SAMMSON: variants seen among roughly 807,000 people sequenced by gnomAD.
SAMMSON encodes the protein survival associated mitochondrial melanoma specific oncogenic non-coding RNA, also known as long intergenic non-protein coding RNA 1212.
intron 3 of SAMMSON, among the ~76,000 whole-genome samples, chr3:70,029,782 T>C (rs542774368): frequency 2.2e-3 from 341 of 151,888 alleles, no homozygotes; most frequent in African/African-American, 8.0e-3. Context: ...CCTTAATTTG[T>C]TGGTGAAAAT....
chr3:70,159,855 C>A (rs896822557), intron 4 of SAMMSON, among the ~76,000 whole-genome samples: 1 of 151,998 alleles, frequency 6.6e-6, no homozygotes. Flanking sequence ...CGTGCCTGGC[C>A]CTGACTTTTT....
At chr3:70,130,754 C>T (rs2067479510) in intron 4 of SAMMSON, among the ~76,000 whole-genome samples, 1 of 152,106 alleles carries the variant, frequency 6.6e-6, no homozygotes, top group South Asian at 2.1e-4. Flanking sequence ...CAATAGCTAA[C>T]AAAACCATGT....
At chr3:70,030,057 T>C (rs1455766446) in intron 3 of SAMMSON, among the ~76,000 whole-genome samples, 4 of 152,220 alleles carry the variant, frequency 2.6e-5, no homozygotes, top group Non-Finnish European at 5.9e-5. Context: ...AATATTTGTC[T>C]TGTATGAGTG....
intron 7 of SAMMSON, among the ~76,000 whole-genome samples, chr3:70,336,029 T>G (rs1168809456): frequency 6.6e-6 from 1 of 151,948 alleles, no homozygotes; most frequent in Non-Finnish European, 1.5e-5. Flanking sequence ...TGAAAGTTCA[T>G]CCTAAAAAAG....
At chr3:70,147,690 A>G (rs978133081) in intron 4 of SAMMSON, among the ~76,000 whole-genome samples, 1 of 152,082 alleles carries the variant, frequency 6.6e-6, no homozygotes, top group African/African-American at 2.4e-5. Context: ...AAAATTATAA[A>G]TCTTTTAGAA....
intron 7 of SAMMSON, among the ~76,000 whole-genome samples, chr3:70,304,743 A>G (rs774664580): frequency 1.3e-5 from 2 of 152,132 alleles, no homozygotes; most frequent in African/African-American, 4.8e-5. Flanking sequence ...TCTTTACCTC[A>G]TGCAATATAA....
intron 4 of SAMMSON, among the ~76,000 whole-genome samples, chr3:70,116,375 T>C (rs2067411437): frequency 6.6e-6 from 1 of 151,400 alleles, no homozygotes; most frequent in Non-Finnish European, 1.5e-5. Flanking sequence ...AAAATATTTT[T>C]CTGGGATTCT....
intron 2 of SAMMSON, among the ~76,000 whole-genome samples, chr3:70,426,128 G>A (rs1458934416): frequency 6.6e-6 from 1 of 152,160 alleles, no homozygotes; most frequent in African/African-American, 2.4e-5. Flanking sequence ...GTAATATTGA[G>A]TTCTTTTATT....
chr3:70,217,382 A>G (rs1701425620), intron 4 of SAMMSON, among the ~76,000 whole-genome samples: 1 of 152,112 alleles, frequency 6.6e-6, no homozygotes, highest in African/African-American at 2.4e-5. Flanking sequence ...ATAGAAAAGG[A>G]CCTATTGAAT....
chr3:70,000,128 A>G (rs1476537645), intron 1 of SAMMSON, among the ~76,000 whole-genome samples: 1 of 152,184 alleles, frequency 6.6e-6, no homozygotes, highest in South Asian at 2.1e-4. Context: ...ATAGACGGCA[A>G]ACTAAGAGAG....
intron 4 of SAMMSON, among the ~76,000 whole-genome samples, chr3:70,215,171 A>C (rs1438119183): frequency 6.6e-6 from 1 of 152,120 alleles, no homozygotes; most frequent in Non-Finnish European, 1.5e-5. Flanking sequence ...AGCTCACAAC[A>C]GTTTTGCAAA....
intron 9 of SAMMSON, among the ~76,000 whole-genome samples, chr3:70,388,331 A>G (rs544770024): frequency 6.6e-6 from 1 of 152,266 alleles, no homozygotes; most frequent in South Asian, 2.1e-4. Context: ...TTTCACATAG[A>G]TCATTTGGGC....
chr3:70,231,711 G>A (rs1441975269), intron 4 of SAMMSON, among the ~76,000 whole-genome samples: 2 of 152,080 alleles, frequency 1.3e-5, no homozygotes, highest in African/African-American at 4.8e-5. Flanking sequence ...AGAGATACAC[G>A]GAGAGAAGAA....
chr3:70,308,241 A>T (rs1320441010), intron 7 of SAMMSON, among the ~76,000 whole-genome samples: 3 of 148,654 alleles, frequency 2.0e-5, no homozygotes, highest in Non-Finnish European at 4.5e-5. Flanking sequence ...TTTTTATTTT[A>T]TTTTTTTTTT....
chr3:70,424,372 A>G (rs943250961), intron 2 of SAMMSON, among the ~76,000 whole-genome samples: 2 of 152,210 alleles, frequency 1.3e-5, no homozygotes, highest in African/African-American at 4.8e-5. Context: ...TATAGAGGTA[A>G]TTTAGGAATC....
At chr3:70,337,061 A>T (rs905707972) in intron 7 of SAMMSON, among the ~76,000 whole-genome samples, 10 of 81,406 alleles carry the variant, frequency 1.2e-4, no homozygotes, top group Non-Finnish European at 2.0e-4. Context: ...ATTATTATTA[A>T]TAATAATATC....
chr3:70,254,603 A>G (rs1701797294), intron 6 of SAMMSON, among the ~76,000 whole-genome samples: 1 of 152,214 alleles, frequency 6.6e-6, no homozygotes, highest in Admixed American at 6.5e-5. Flanking sequence ...TTAGCAAACC[A>G]AAAGTGGAAA....
intron 7 of SAMMSON, among the ~76,000 whole-genome samples, chr3:70,336,814 T>TTGTGTGTGTGTGTGTG (rs71126494): frequency 3.2e-4 from 40 of 126,658 alleles, no homozygotes; most frequent in Non-Finnish European, 4.8e-4. Context: ...AATAGAAAGT[T>TTGTGTGTGTGTGTGTG]TGTGTGTGTG....
chr3:70,024,041 A>G (rs915049758), intron 3 of SAMMSON, among the ~76,000 whole-genome samples: 1 of 151,972 alleles, frequency 6.6e-6, no homozygotes, highest in Non-Finnish European at 1.5e-5. Context: ...AAACTGGTCT[A>G]TCCCTAATTT....
Sources: gnomAD v4.1 joint callset for allele counts (sites outside exome capture counted in the v4.1 genomes callset) on GRCh38, gnomAD v4.1.1 for gene constraint, MANE v1.5 for transcripts, NCBI Gene and HGNC (gene_info 2026-07-23, HGNC 2026-07-21) for gene names.